SGCZ: variants seen among roughly 807,000 people sequenced by gnomAD.
SGCZ encodes the protein zeta-sarcoglycan.
Under a neutral mutation model 41.3 loss-of-function variants are expected in SGCZ, and 40 were observed. The observed-to-expected ratio is 0.97, with a 90% CI of 0.75 to 1.26. The LOEUF (loss-of-function observed/expected upper bound fraction) is 1.26. Among genes scored for constraint, SGCZ ranks in the 50% most tolerant of loss-of-function variants. SGCZ has a pLI of 0.00. For missense variants in SGCZ, 552 were observed against 369.8 expected (o/e 1.49, Z -4.04); for synonymous variants, 206 against 137.5 (o/e 1.50, Z -3.49).
chr8:14,536,681 G>T (rs962728269), intron 2 of SGCZ, among the ~76,000 whole-genome samples: 2 of 151,744 alleles, frequency 1.3e-5, no homozygotes, highest in African/African-American at 4.8e-5. Flanking sequence ...TTTGACCCTG[G>T]TATATGCTGC....
At chr8:15,036,300 C>A (rs1018306718) in intron 1 of SGCZ, among the ~76,000 whole-genome samples, 4 of 151,828 alleles carry the variant, frequency 2.6e-5, no homozygotes, top group African/African-American at 7.3e-5. Context: ...AATTAAAAAT[C>A]TGAATAGACC....
chr8:15,159,357 T>C (rs1799430599), intron 1 of SGCZ, among the ~76,000 whole-genome samples: 1 of 152,176 alleles, frequency 6.6e-6, no homozygotes, highest in Non-Finnish European at 1.5e-5. Flanking sequence ...CCCTGAGTTC[T>C]GTGAGTCTCT....
intron 4 of SGCZ, among the ~76,000 whole-genome samples, chr8:14,227,645 T>A (rs1806417146): frequency 6.6e-6 from 1 of 152,070 alleles, no homozygotes; most frequent in Non-Finnish European, 1.5e-5. Flanking sequence ...CATAACAATC[T>A]TAAGAAATCT....
At chr8:14,104,727 T>C (rs912859212) in intron 6 of SGCZ, among the ~76,000 whole-genome samples, 5 of 151,836 alleles carry the variant, frequency 3.3e-5, no homozygotes, top group African/African-American at 1.2e-4. Flanking sequence ...TCCTTGAATA[T>C]ATTAATGATG....
intron 5 of SGCZ, among the ~76,000 whole-genome samples, chr8:14,145,231 G>T (rs758115573): frequency 2.0e-5 from 3 of 152,260 alleles, no homozygotes; most frequent in South Asian, 4.1e-4. Context: ...AGGACAGAGA[G>T]AATCTTTTTT....
At chr8:14,732,284 G>A (rs1476697934) in intron 1 of SGCZ, among the ~76,000 whole-genome samples, 1 of 152,068 alleles carries the variant, frequency 6.6e-6, no homozygotes, top group Admixed American at 6.6e-5. Flanking sequence ...GGAATGACAG[G>A]ATACCATCCA....
At chr8:14,439,301 G>A (rs1037469114) in intron 2 of SGCZ, among the ~76,000 whole-genome samples, 8 of 116,190 alleles carry the variant, frequency 6.9e-5, no homozygotes, top group African/African-American at 2.4e-4. Context: ...AAAATATATA[G>A]AAGAAAGAAA....
chr8:15,154,326 C>A (rs182631397), intron 1 of SGCZ, among the ~76,000 whole-genome samples: 1 of 152,318 alleles, frequency 6.6e-6, no homozygotes, highest in Admixed American at 6.5e-5. Context: ...GCAGACCCTA[C>A]ATGAAATAAG....
At chr8:14,943,529 T>A (rs1800344181) in intron 1 of SGCZ, among the ~76,000 whole-genome samples, 2 of 152,194 alleles carry the variant, frequency 1.3e-5, no homozygotes, top group South Asian at 4.1e-4. Context: ...TCTTTCCATC[T>A]ATGAGAATGG....
Position 14,188,290 on chromosome 8 carries a change from C to T in SGCZ, c.425-23588G>A, listed in dbSNP as rs549480623. Among the ~76,000 whole-genome samples the T allele has an allele frequency of 1.4e-3, 209 of 152,266 alleles. 2 individuals are homozygous for T. Among genetic ancestry groups the T allele is most frequent in the Non-Finnish European group, 6.5e-4 (44 of 68,018 alleles). On this transcript the variant is annotated intron_variant, in intron 4 of 7. Transcript: ENST00000382080. The stretch of plus-strand genomic sequence containing the variant: ...ACCAGCATCAGAAACAGAATACATG[C>T]ATATTTCTTCTCTTTTCTTCCTTTG...
chr8:14,567,819 G>A lies in SGCZ; in HGVS notation c.40-12893C>T, dbSNP rs189048482. ...AACACCTCCAGACGCACCACCTTAA[G>A]AGCTGTAACACTCACTGCGAAGGTC... On this transcript the variant is annotated intron_variant, in intron 1 of 7. Coordinates refer to ENST00000382080, the MANE Select transcript of SGCZ (RefSeq NM_139167.4). Among the ~76,000 whole-genome samples the A allele has an allele frequency of 2.6e-3, 391 of 152,224 alleles. 1 individual carries two copies. The highest frequency in any genetic ancestry group is 4.7e-3 in the Non-Finnish European group (320 of 68,022).
At chr8:15,023,887 T>C (rs925045726) in intron 1 of SGCZ, among the ~76,000 whole-genome samples, 1 of 152,202 alleles carries the variant, frequency 6.6e-6, no homozygotes, top group African/African-American at 2.4e-5. Context: ...TTCTGGTTAC[T>C]TCTCTGGGAT....
chr8:14,135,280 CT>C (rs1400635475), intron 5 of SGCZ, among the ~76,000 whole-genome samples: 1 of 152,190 alleles, frequency 6.6e-6, no homozygotes, highest in Non-Finnish European at 1.5e-5. Flanking sequence ...AATTATTTCA[CT>C]TTTTCTCCTT....
At chr8:14,815,220 C>T (rs1296383682) in intron 1 of SGCZ, among the ~76,000 whole-genome samples, 2 of 149,182 alleles carry the variant, frequency 1.3e-5, no homozygotes, top group Non-Finnish European at 3.0e-5. Context: ...AATTCATTTA[C>T]TTGAGTAGAT....
intron 1 of SGCZ, among the ~76,000 whole-genome samples, chr8:14,832,324 A>T (rs1367087665): frequency 6.6e-6 from 1 of 152,190 alleles, no homozygotes; most frequent in East Asian, 1.9e-4. Flanking sequence ...TGTCAGCTTA[A>T]TATTCTATGC....
intron 1 of SGCZ, among the ~76,000 whole-genome samples, chr8:14,889,131 A>T (rs1447360498): frequency 1.3e-5 from 2 of 152,114 alleles, no homozygotes; most frequent in Admixed American, 1.3e-4. Flanking sequence ...TGCAGTTTAA[A>T]CCATTTAATT....
chr8:14,528,985 C>G (rs944566071), intron 2 of SGCZ, among the ~76,000 whole-genome samples: 3 of 151,974 alleles, frequency 2.0e-5, no homozygotes, highest in Non-Finnish European at 4.4e-5. Flanking sequence ...AAAATGACAA[C>G]CAACTAAACC....
At chr8:14,512,636 T>A (rs199554391) in intron 2 of SGCZ, among the ~76,000 whole-genome samples, 5 of 141,340 alleles carry the variant, frequency 3.5e-5, no homozygotes, top group Admixed American at 2.1e-4. Context: ...TTTTTTTTTT[T>A]ATTTTATTTT....
intron 4 of SGCZ, among the ~76,000 whole-genome samples, chr8:14,201,842 C>G (rs181470236): frequency 2.1e-4 from 32 of 149,930 alleles, no homozygotes; most frequent in African/African-American, 7.0e-4. Flanking sequence ...AGAAGTATCA[C>G]TAGTGAGATC....
Sources: allele counts gnomAD v4.1 joint callset (sites outside exome capture counted in the v4.1 genomes callset), GRCh38; gene constraint gnomAD v4.1.1; transcripts MANE v1.5; gene names NCBI Gene and HGNC (gene_info 2026-07-23, HGNC 2026-07-21).